The following KCNIP4 variants were observed in gnomAD, a reference collection of about 807,000 sequenced individuals.
KCNIP4 encodes potassium voltage-gated channel interacting protein 4.
Under a neutral mutation model 34.0 loss-of-function variants are expected in KCNIP4, and 12 were observed. The observed-to-expected ratio is 0.35, with a 90% CI of 0.23 to 0.57. KCNIP4 has a LOEUF of 0.57. Among genes scored for constraint, KCNIP4 ranks in the 20% least tolerant of loss-of-function variants. The probability of loss-of-function intolerance (pLI) is 0.83; values close to 1 mark genes in which losing one functional copy is unlikely to be tolerated. For synonymous variants in KCNIP4, 124 were observed against 102.2 expected, an observed-to-expected ratio of 1.21 and a Z score of -1.29; for missense variants, 238 against 311.7, an observed-to-expected ratio of 0.76 and a Z score of 1.78.
chr4:21,840,914 C>T (rs1038305904), intron 1 of KCNIP4, among the ~76,000 whole-genome samples: 2 of 152,266 alleles, frequency 1.3e-5, no homozygotes, highest in Middle Eastern at 3.4e-3. Context: ...TTATGTCATG[C>T]ACCACCAGTT....
At chr4:21,380,385 G>A (rs200883578) in intron 1 of KCNIP4, among the ~76,000 whole-genome samples, 2 of 151,074 alleles carry the variant, frequency 1.3e-5, no homozygotes, top group East Asian at 3.9e-4. Flanking sequence ...CATAGGTTGT[G>A]AGTGTGTCTC....
chr4:21,240,550 C>T (rs1056755202), intron 1 of KCNIP4, among the ~76,000 whole-genome samples: 1 of 152,070 alleles, frequency 6.6e-6, no homozygotes, highest in African/African-American at 2.4e-5. Flanking sequence ...TTTTCACCAG[C>T]AATTTTCCCA....
chr4:21,279,232 C>T (rs534202184), intron 1 of KCNIP4, among the ~76,000 whole-genome samples: 1 of 152,088 alleles, frequency 6.6e-6, no homozygotes, highest in African/African-American at 2.4e-5. Flanking sequence ...AAGGAAATTG[C>T]ATCTATGAAG....
Position 21,923,334 on chromosome 4 carries a change from C to A in KCNIP4, c.61+25237G>T, listed in dbSNP as rs536346658. ...TGGTGGCTCATACCTGTAAGCCCAG[C>A]ACTTTGGGAGGCCAAGGCAGATGGA... On this transcript the variant is annotated intron_variant, in intron 1 of 8. Coordinates refer to ENST00000382152, the MANE Select transcript of KCNIP4 (RefSeq NM_025221.6). Among the ~76,000 whole-genome samples the A allele has an allele frequency of 2.6e-5, 4 of 152,282 alleles. No homozygotes were observed. In the East Asian group the frequency reaches 5.8e-4, roughly 22 times the overall value.
chr4:21,696,979 T>C (rs552537662), intron 1 of KCNIP4, among the ~76,000 whole-genome samples: 4 of 152,056 alleles, frequency 2.6e-5, no homozygotes, highest in Non-Finnish European at 4.4e-5. Context: ...TCTAAATATC[T>C]GCAGGAAGAA....
At chr4:21,225,304 CAT>C (rs1438586728) in intron 1 of KCNIP4, among the ~76,000 whole-genome samples, 3 of 152,030 alleles carry the variant, frequency 2.0e-5, no homozygotes. Context: ...ATAATACAAA[CAT>C]AAAAAGGAAG....
chr4:21,920,248 T>G (rs1728864667), intron 1 of KCNIP4, among the ~76,000 whole-genome samples: 1 of 152,180 alleles, frequency 6.6e-6, no homozygotes, highest in African/African-American at 2.4e-5. Flanking sequence ...ACTTTTTGTA[T>G]CTGTAGGTTC....
At chr4:21,709,281 G>A (rs1375173936) in intron 1 of KCNIP4, among the ~76,000 whole-genome samples, 1 of 152,194 alleles carries the variant, frequency 6.6e-6, no homozygotes, top group Non-Finnish European at 1.5e-5. Flanking sequence ...TATTTATTGA[G>A]TTTCTACTTA....
chr4:21,420,633 T>G lies in KCNIP4; in HGVS notation c.61+527938A>C, dbSNP rs1175592502. Among the ~76,000 whole-genome samples the G allele has an allele frequency of 2.3e-4, 35 of 152,218 alleles. 1 individual carries two copies. The highest frequency in any genetic ancestry group is 2.9e-5 in the Non-Finnish European group (2 of 68,036). On this transcript the variant is annotated intron_variant, in intron 1 of 8. Coordinates refer to ENST00000382152, the MANE Select transcript of KCNIP4 (RefSeq NM_025221.6). ...ATCTTTCCCACTCTGGAATATGCAG[T>G]TTCTTCTAAGTGGAATAACTGCTAT...
At chr4:20,891,723 A>T (rs1725935879) in intron 1 of KCNIP4, among the ~76,000 whole-genome samples, 1 of 152,212 alleles carries the variant, frequency 6.6e-6, no homozygotes, top group Non-Finnish European at 1.5e-5. Flanking sequence ...TGCTGGGAAT[A>T]GGGAGTACAT....
intron 1 of KCNIP4, among the ~76,000 whole-genome samples, chr4:21,944,310 G>A (rs4467547): frequency 6.6e-6 from 1 of 151,708 alleles, no homozygotes; most frequent in Non-Finnish European, 1.5e-5. Context: ...TTGGGAGGCC[G>A]AGGCAGGAGG....
At chr4:21,576,475 T>G (rs1740749426) in intron 1 of KCNIP4, among the ~76,000 whole-genome samples, 2 of 152,192 alleles carry the variant, frequency 1.3e-5, no homozygotes, top group Admixed American at 1.3e-4. Context: ...TTTGAAAATT[T>G]TGGATACCAA....
At chr4:21,376,390 C>T (rs1323590065) in intron 1 of KCNIP4, among the ~76,000 whole-genome samples, 1 of 34,650 alleles carries the variant, frequency 2.9e-5, no homozygotes, top group Non-Finnish European at 7.3e-5. Flanking sequence ...AGCATGATGC[C>T]ATAAAGCATT....
chr4:21,356,776 A>G (rs1278087322), intron 1 of KCNIP4, among the ~76,000 whole-genome samples: 3 of 152,224 alleles, frequency 2.0e-5, no homozygotes, highest in Non-Finnish European at 4.4e-5. Context: ...CATCCCCATC[A>G]AGCTACCAAT....
At chr4:20,963,683 G>A (rs1037654835) in intron 1 of KCNIP4, among the ~76,000 whole-genome samples, 17 of 152,106 alleles carry the variant, frequency 1.1e-4, no homozygotes, top group Admixed American at 1.3e-4. Flanking sequence ...CAGTGAAAGA[G>A]GAGGTTAAAA....
chr4:21,301,460 T>C (rs1711694338), intron 1 of KCNIP4, among the ~76,000 whole-genome samples: 1 of 152,124 alleles, frequency 6.6e-6, no homozygotes, highest in Non-Finnish European at 1.5e-5. Context: ...GGCTTTAACC[T>C]AGGTTCAAGA....
chr4:21,018,832 T>C (rs982334347), intron 1 of KCNIP4, among the ~76,000 whole-genome samples: 2 of 152,216 alleles, frequency 1.3e-5, no homozygotes, highest in Non-Finnish European at 2.9e-5. Flanking sequence ...ACATAAATGT[T>C]AGAGATATTT....
At chr4:21,122,947 A>C (rs1750287391) in intron 1 of KCNIP4, among the ~76,000 whole-genome samples, 1 of 152,200 alleles carries the variant, frequency 6.6e-6, no homozygotes, top group South Asian at 2.1e-4. Flanking sequence ...ACGGTGGCTC[A>C]TGCCTGTAAT....
intron 1 of KCNIP4, among the ~76,000 whole-genome samples, chr4:20,915,206 T>G (rs1728694583): frequency 6.6e-6 from 1 of 152,210 alleles, no homozygotes; most frequent in South Asian, 2.1e-4. Context: ...AATAAAATAT[T>G]ATACTCAAAT....
Sources: gnomAD v4.1 joint callset for allele counts (sites outside exome capture counted in the v4.1 genomes callset) on GRCh38, gnomAD v4.1.1 for gene constraint, MANE v1.5 for transcripts, NCBI Gene and HGNC (gene_info 2026-07-23, HGNC 2026-07-21) for gene names.